The following FAM53B variants were observed in gnomAD, a reference collection of about 807,000 sequenced individuals.
FAM53B encodes the protein family with sequence similarity 53 member B.
Under a neutral mutation model 32.7 loss-of-function variants are expected in FAM53B, and 12 were observed. The observed-to-expected ratio is 0.37, with a 90% CI of 0.24 to 0.59. FAM53B has a LOEUF of 0.59. Among genes scored for constraint, FAM53B ranks in the 20% least tolerant of loss-of-function variants. FAM53B has a pLI of 0.72. For missense variants in FAM53B, 477 were observed against 577.7 expected (o/e 0.83, Z 1.79); for synonymous variants, 234 against 228.7 (o/e 1.02, Z -0.21).
At chr10:124,742,558 T>C (rs1328957666) in intron 1 of FAM53B, 1 of 152,202 alleles carries the variant, frequency 6.6e-6, no homozygotes. Context: ...TATGCTAGCA[T>C]GTCATTTGGA....
intron 4 of FAM53B, among the ~76,000 whole-genome samples, chr10:124,657,194 A>ATATC (rs397712306): frequency 2.0e-5 from 3 of 147,936 alleles, no homozygotes; most frequent in Non-Finnish European, 4.5e-5. Context: ...ATATATATAT[A>ATATC]AGAAATGGCA....
At chr10:124,681,099 AACATCCTG>A (rs1267264536) in intron 4 of FAM53B, among the ~76,000 whole-genome samples, 1 of 152,218 alleles carries the variant, frequency 6.6e-6, no homozygotes, top group African/African-American at 2.4e-5. Context: ...TATTGATCAC[AACATCCTG>A]ATGGCCTCAT....
intron 3 of FAM53B, among the ~76,000 whole-genome samples, chr10:124,683,450 T>G (rs761157860): frequency 2.0e-5 from 3 of 152,164 alleles, no homozygotes; most frequent in Non-Finnish European, 4.4e-5. Context: ...AAGAGAAGAA[T>G]AGAAGTGAAA....
intron 1 of FAM53B, among the ~76,000 whole-genome samples, chr10:124,738,114 AG>A (rs1721311866): frequency 6.6e-6 from 1 of 152,084 alleles, no homozygotes; most frequent in African/African-American, 2.4e-5. Context: ...CAGCAGCAGC[AG>A]CAGCAGCAAA....
chr10:124,633,983 C>T (rs1242129256), intron 4 of FAM53B, among the ~76,000 whole-genome samples: 1 of 152,214 alleles, frequency 6.6e-6, no homozygotes, highest in Non-Finnish European at 1.5e-5. Flanking sequence ...TAAGATGGTA[C>T]AGTCGTTGCG....
intron 1 of FAM53B, among the ~76,000 whole-genome samples, chr10:124,736,365 G>T (rs770252992): frequency 3.9e-5 from 6 of 152,206 alleles, no homozygotes; most frequent in Non-Finnish European, 7.3e-5. Flanking sequence ...GCCACAGAGG[G>T]GCTTCCCCGC....
chr10:124,742,885 G>A (rs1338297731), intron 1 of FAM53B: 2 of 152,184 alleles, frequency 1.3e-5, no homozygotes, highest in East Asian at 3.9e-4. Context: ...TGGAAGACTC[G>A]GAGTGTGGCC....
At chr10:124,648,643 G>A (rs1271746635) in intron 4 of FAM53B, among the ~76,000 whole-genome samples, 5 of 152,284 alleles carry the variant, frequency 3.3e-5, no homozygotes, top group Admixed American at 1.3e-4. Context: ...GCCAGGCATG[G>A]TGCGTGCACC....
chr10:124,727,302 T>C (rs1950110866), intron 1 of FAM53B, among the ~76,000 whole-genome samples: 1 of 118,974 alleles, frequency 8.4e-6, no homozygotes, highest in Non-Finnish European at 1.6e-5. Flanking sequence ...ATAAGAAGAT[T>C]ACACTAGGTG....
chr10:124,722,600 G>GT (rs1282211509), intron 1 of FAM53B, among the ~76,000 whole-genome samples: 2 of 152,140 alleles, frequency 1.3e-5, no homozygotes, highest in Admixed American at 1.3e-4. Flanking sequence ...ATGGCTTTTT[G>GT]TATGTTTTCA....
intron 4 of FAM53B, chr10:124,671,039 C>A: frequency 2.4e-6 from 1 of 420,114 alleles, no homozygotes; most frequent in South Asian, 1.6e-5. Context: ...CGCTGGAGAA[C>A]GTTAGACAGC....
chr10:124,651,152 C>T lies in FAM53B; in HGVS notation c.907-27548G>A, dbSNP rs1287343016. 6.6e-6 allele frequency among the ~76,000 whole-genome samples: 1 copy of T among 152,270 alleles called. No individual in the cohort carries two copies. The highest frequency in any genetic ancestry group is 1.5e-5 in the Non-Finnish European group (1 of 68,054). On this transcript the variant is annotated intron_variant, in intron 4 of 4. Coordinates refer to ENST00000337318, the MANE Select transcript of FAM53B (RefSeq NM_014661.4). The surrounding 1 kb of genome is among the most constrained non-coding windows in gnomAD (Gnocchi z 5.2). ...CAGGGGCAAAGCCAAGCCTTCTGTC[C>T]TTGCCGGCCTCGGTTTCTCCCTTTG...
intron 4 of FAM53B, among the ~76,000 whole-genome samples, chr10:124,639,832 C>T (rs1277788848): frequency 6.6e-6 from 1 of 152,078 alleles, no homozygotes; most frequent in East Asian, 1.9e-4. Context: ...CTCTCACCTC[C>T]ATCAGCTCAT....
chr10:124,711,794 A>T (rs944374662), intron 1 of FAM53B, among the ~76,000 whole-genome samples: 1 of 152,158 alleles, frequency 6.6e-6, no homozygotes, highest in Non-Finnish European at 1.5e-5. Context: ...GGCTCGCACC[A>T]GTGATCCCAG....
intron 4 of FAM53B, among the ~76,000 whole-genome samples, chr10:124,634,466 G>A (rs1310227427): frequency 4.6e-5 from 7 of 152,178 alleles, no homozygotes; most frequent in Non-Finnish European, 8.8e-5. Context: ...CTGAATCATG[G>A]GGGCAGTTAC....
Position 124,686,016 on chromosome 10 carries a change from A to G in FAM53B, c.134-3637T>C, listed in dbSNP as rs1949800309. ...AACAAACCCTACACTCCAGGTATCAAACCTCCTACGACAGTGGAGGTCAGA... is the reference window on the plus strand; with the variant it reads ...AACAAACCCTACACTCCAGGTATCAGACCTCCTACGACAGTGGAGGTCAGA... On this transcript the variant is annotated intron_variant, in intron 3 of 4. Transcript: ENST00000337318. Among the ~76,000 whole-genome samples, 3 of 152,276 alleles carry G rather than the reference A, an allele frequency of 2.0e-5. No homozygotes were observed. The East Asian group carries it at 5.8e-4, about 29-fold the overall frequency.
At chr10:124,689,402 G>T (rs1053812629) in intron 3 of FAM53B, among the ~76,000 whole-genome samples, 1 of 152,224 alleles carries the variant, frequency 6.6e-6, no homozygotes, top group African/African-American at 2.4e-5. Context: ...ACTCAGTTCA[G>T]AGCAGTGTCA....
chr10:124,674,581 C>A (rs1481519298), intron 4 of FAM53B, among the ~76,000 whole-genome samples: 1 of 152,220 alleles, frequency 6.6e-6, no homozygotes, highest in East Asian at 1.9e-4. Flanking sequence ...CGTCTCAGCC[C>A]ACGCTCCCTG....
intron 2 of FAM53B, among the ~76,000 whole-genome samples, chr10:124,698,316 C>A (rs1250562505): frequency 6.6e-6 from 1 of 152,178 alleles, no homozygotes; most frequent in East Asian, 1.9e-4. Context: ...GCGTGCTTCA[C>A]TGGCATGCAT....
Sources: gnomAD v4.1 joint callset for allele counts (sites outside exome capture counted in the v4.1 genomes callset) on GRCh38, gnomAD v4.1.1 for gene constraint, Gnocchi (gnomAD v3.1) non-coding constraint, MANE v1.5 for transcripts, NCBI Gene and HGNC (gene_info 2026-07-23, HGNC 2026-07-21) for gene names.